Variants in NEBL observed in about 807,000 individuals in gnomAD.
The protein encoded by NEBL is nebulette.
NEBL carries 122 observed loss-of-function variants against 140.2 expected under a neutral mutation model. That is an observed-to-expected ratio of 0.87 (90% CI 0.75 to 1.01). The LOEUF is 1.01. NEBL is among the 50% of genes least tolerant of loss of function. The pLI, the probability that NEBL is intolerant of heterozygous loss-of-function variation, is 0.00. For missense variants in NEBL, 1,365 were observed against 1,231.3 expected (o/e 1.11, Z -1.62); for synonymous variants, 436 against 398.9 (o/e 1.09, Z -1.11).
rs577655125 is a variant in NEBL, at chr10:20,923,435, T to C, written c.357+38237A>G. 3.3e-5 allele frequency among the ~76,000 whole-genome samples: 5 copies of C among 151,642 alleles called. No individual in the cohort carries two copies. The South Asian group carries it at 1.0e-3, about 32-fold the overall frequency. ...GGCTCATGCCTGTAATCCCAGCACT[T>C]TGGGAGGCTGAGGTGGGTGGATCAC... On this transcript the variant is annotated intron_variant, in intron 4 of 6. Coordinates refer to the NEBL transcript ENST00000417816.
At chr10:21,268,996 T>C (rs938368931) in intron 1 of NEBL, among the ~76,000 whole-genome samples, 1 of 152,156 alleles carries the variant, frequency 6.6e-6, no homozygotes, top group Non-Finnish European at 1.5e-5. Context: ...ACTTTAATCA[T>C]AATCATTATT....
At chr10:20,805,114 T>G (rs77261719) in intron 26 of NEBL, among the ~76,000 whole-genome samples, 1 of 152,140 alleles carries the variant, frequency 6.6e-6, no homozygotes, top group South Asian at 2.1e-4. Context: ...ACATGGGGTA[T>G]GAGTGAAAGA....
At chr10:21,246,555 A>C (rs1291210763) in intron 3 of NEBL, among the ~76,000 whole-genome samples, 1 of 152,064 alleles carries the variant, frequency 6.6e-6, no homozygotes, top group Non-Finnish European at 1.5e-5. Context: ...GGCCAGTGCA[A>C]GAGGATCACT....
chr10:21,111,033 C>T (rs900542809), intron 2 of NEBL: 3 of 298,666 alleles, frequency 1.0e-5, no homozygotes, highest in African/African-American at 2.2e-5. Context: ...ATTTAACTTA[C>T]AAGGGATGTG....
intron 2 of NEBL, among the ~76,000 whole-genome samples, chr10:20,896,514 A>ATATG (rs1847506039): frequency 7.5e-6 from 1 of 133,604 alleles, no homozygotes; most frequent in African/African-American, 2.8e-5. Context: ...ATATATATAT[A>ATATG]TATGCATTTT....
intron 2 of NEBL, among the ~76,000 whole-genome samples, chr10:21,078,406 G>T (rs997633616): frequency 5.9e-5 from 9 of 152,248 alleles, no homozygotes; most frequent in South Asian, 4.2e-4. Context: ...AAACAAAAAG[G>T]TTACAGACTG....
intron 3 of NEBL, among the ~76,000 whole-genome samples, chr10:20,993,227 A>T (rs1384141095): frequency 1.3e-5 from 2 of 152,180 alleles, no homozygotes; most frequent in African/African-American, 4.8e-5. Flanking sequence ...GGATATATTC[A>T]TGCAACCTCT....
At chr10:20,860,263 T>C (rs1435701145) in intron 7 of NEBL, among the ~76,000 whole-genome samples, 1 of 152,064 alleles carries the variant, frequency 6.6e-6, no homozygotes, top group African/African-American at 2.4e-5. Context: ...ACCACAGTTT[T>C]TCTCATCATT....
At chr10:21,092,152 G>A (rs1836945194) in intron 2 of NEBL, among the ~76,000 whole-genome samples, 1 of 152,202 alleles carries the variant, frequency 6.6e-6, no homozygotes, top group African/African-American at 2.4e-5. Flanking sequence ...AGCAGAACTG[G>A]TCGTTATGTG....
chr10:21,274,879 G>A (rs1842900755), intron 1 of NEBL, among the ~76,000 whole-genome samples: 1 of 151,796 alleles, frequency 6.6e-6, no homozygotes, highest in African/African-American at 2.4e-5. Context: ...ACTATTCATT[G>A]AGTGGAAGTG....
rs370807599 is a variant in NEBL at position 21,091,319 on chromosome 10, C to T, written c.165-71118G>A. On this transcript the variant is annotated intron_variant, in intron 2 of 6. Transcript: ENST00000417816. ...CTGCCAGAACATTTGAACTTGGATT[C>T]TCATTTTCCTCAAAAATCTTAAGAG... Among the ~76,000 whole-genome samples, 101 of 152,300 alleles carry T rather than the reference C, an allele frequency of 6.6e-4. No homozygotes were observed. The Middle Eastern group carries it at 0.01, about 15-fold the overall frequency.
chr10:20,797,575 C>T (rs3781488), intron 26 of NEBL, among the ~76,000 whole-genome samples: 40,997 of 151,966 alleles, frequency 0.27, 5,782 homozygotes, highest in East Asian at 0.41. Context: ...TACAGAAATA[C>T]GAGAAAGTAA....
intron 2 of NEBL, among the ~76,000 whole-genome samples, chr10:21,035,238 T>A (rs1833965777): frequency 6.6e-6 from 1 of 152,140 alleles, no homozygotes; most frequent in African/African-American, 2.4e-5. Context: ...CCTCAAGTGA[T>A]CTGCCCGCTT....
intron 4 of NEBL, among the ~76,000 whole-genome samples, chr10:20,882,331 G>T (rs1040039535): frequency 6.6e-6 from 1 of 150,574 alleles, no homozygotes; most frequent in East Asian, 1.9e-4. Context: ...GAGGGGAGAG[G>T]AGAGAGGAAA....
In NEBL at chr10:20,936,083, T is replaced by G. The variant is rs189879853; in HGVS notation, c.357+25589A>C. ...TTCTACAAATTCAAAATGACATGACTAATTAAAGCATTTCCATGCCAAAAT... is the reference window on the plus strand; with the variant it reads ...TTCTACAAATTCAAAATGACATGACGAATTAAAGCATTTCCATGCCAAAAT... On this transcript the variant is annotated intron_variant, in intron 4 of 6. Transcript: ENST00000417816. Among the ~76,000 whole-genome samples, 7 of 152,308 alleles carry G rather than the reference T, an allele frequency of 4.6e-5. No individual in the cohort carries two copies. In the East Asian group the frequency reaches 1.2e-3, roughly 25 times the overall value.
chr10:20,913,158 C>G (rs1388578683), intron 4 of NEBL, among the ~76,000 whole-genome samples: 1 of 152,118 alleles, frequency 6.6e-6, no homozygotes, highest in Non-Finnish European at 1.5e-5. Flanking sequence ...TCAGTGAGAG[C>G]TGCACAAAGG....
chr10:21,224,236 A>C (rs886700928), intron 3 of NEBL, among the ~76,000 whole-genome samples: 1 of 152,202 alleles, frequency 6.6e-6, no homozygotes, highest in Non-Finnish European at 1.5e-5. Flanking sequence ...ACATATGGAC[A>C]TCTAGTTTTC....
At chr10:21,165,365 A>G (rs774043020) in intron 2 of NEBL, among the ~76,000 whole-genome samples, 1 of 152,206 alleles carries the variant, frequency 6.6e-6, no homozygotes, top group Non-Finnish European at 1.5e-5. Context: ...ATACTTTATT[A>G]TCCCTTGGAA....
chr10:20,918,833 A>C (rs1279006189), intron 4 of NEBL, among the ~76,000 whole-genome samples: 2 of 152,110 alleles, frequency 1.3e-5, no homozygotes, highest in Non-Finnish European at 2.9e-5. Context: ...CCTGGGTGAC[A>C]GAGCGAGACT....
Sources: gnomAD v4.1 joint callset for allele counts (sites outside exome capture counted in the v4.1 genomes callset) on GRCh38, gnomAD v4.1.1 for gene constraint, MANE v1.5 for transcripts, NCBI Gene and HGNC (gene_info 2026-07-23, HGNC 2026-07-21) for gene names.